The following ELAPOR1 variants were observed in gnomAD, a reference collection of about 807,000 sequenced individuals.
The protein encoded by ELAPOR1 is endosome/lysosome-associated apoptosis and autophagy regulator 1.
In ELAPOR1, 77 loss-of-function variants were observed where a neutral mutation model predicts 119.7. The observed-to-expected ratio is 0.64, with a 90% CI of 0.54 to 0.78. The LOEUF (loss-of-function observed/expected upper bound fraction) is 0.78. ELAPOR1 is among the 30% of genes least tolerant of loss of function. The pLI is 0.00. For missense variants in ELAPOR1, 1,115 were observed against 1,270.4 expected, an observed-to-expected ratio of 0.88 and a Z score of 1.86; for synonymous variants, 481 against 487.2, an observed-to-expected ratio of 0.99 and a Z score of 0.17.
chr1:109,197,335 C>A, intron 15 of ELAPOR1, 139 bp from the exon 16 acceptor site: 1 of 725,426 alleles, frequency 1.4e-6, no homozygotes, highest in Non-Finnish European at 2.3e-6. Flanking sequence ...GTCATTAGAC[C>A]TGGGATGAAT....
intron 1 of ELAPOR1, among the ~76,000 whole-genome samples, chr1:109,155,940 C>G (rs919757398): frequency 6.6e-6 from 1 of 152,102 alleles, no homozygotes; most frequent in Non-Finnish European, 1.5e-5. Flanking sequence ...TCCAGGAGTT[C>G]AAGACCAGTC....
rs150398954 is a variant in ELAPOR1, at chr1:109,138,834, C to CAAAAAAAAAAAAAAAA, written c.154-23058_154-23043dup. On this transcript the variant is annotated intron_variant, in intron 1 of 21. Transcript: ENST00000369939. The stretch of plus-strand genomic sequence containing the variant: ...GGGCAACAAGAGTGAAACTCCATCT[C>CAAAAAAAAAAAAAAAA]AAAAAAAAAAAAAAAAAGAATCTTC... Among the ~76,000 whole-genome samples, 81 of 107,296 alleles carry CAAAAAAAAAAAAAAAA rather than the reference C, an allele frequency of 7.5e-4. 3 individuals carry two copies. The highest frequency in any genetic ancestry group is 9.1e-4 in the Non-Finnish European group (50 of 55,040). The allele number at this position is 107,296 out of a possible 152,430, so 70.4% of individuals were successfully genotyped here.
At chr1:109,195,962 C>T (rs1354360041) in intron 15 of ELAPOR1, among the ~76,000 whole-genome samples, 3 of 152,176 alleles carry the variant, frequency 2.0e-5, no homozygotes, top group Non-Finnish European at 4.4e-5. Context: ...TCGAGACCAG[C>T]CTGGTCAACA....
intron 7 of ELAPOR1, among the ~76,000 whole-genome samples, chr1:109,182,565 C>A (rs1652760239): frequency 6.6e-6 from 1 of 151,884 alleles, no homozygotes; most frequent in Admixed American, 6.6e-5. Context: ...CCATATCCGT[C>A]TAGCTTAAAA....
chr1:109,147,828 A>G (rs1031352979), intron 1 of ELAPOR1, among the ~76,000 whole-genome samples: 2 of 150,118 alleles, frequency 1.3e-5, no homozygotes, highest in Admixed American at 1.3e-4. Context: ...TATTATTATT[A>G]TTTGTTTTTT....
chr1:109,141,437 AT>A (rs1047002687), intron 1 of ELAPOR1, among the ~76,000 whole-genome samples: 1 of 145,976 alleles, frequency 6.9e-6, no homozygotes, highest in African/African-American at 2.5e-5. Context: ...AATTTTTTGT[AT>A]TTTTAGTAGA....
chr1:109,183,732 C>T (rs1652885238), intron 7 of ELAPOR1, among the ~76,000 whole-genome samples: 2 of 151,986 alleles, frequency 1.3e-5, no homozygotes, highest in South Asian at 4.2e-4. Context: ...GATTCTCCTG[C>T]CTCAACATCA....
intron 7 of ELAPOR1, among the ~76,000 whole-genome samples, chr1:109,180,920 G>A (rs1488094117): frequency 3.3e-5 from 5 of 151,720 alleles, no homozygotes; most frequent in African/African-American, 7.3e-5. Flanking sequence ...AGCTGATTGT[G>A]CCACTGAACT....
In ELAPOR1 at chr1:109,200,159, A is replaced by T. The variant is rs550518607; in HGVS notation, c.2729A>T (p.Lys910Ile). 6.2e-7 allele frequency: 1 copy of T among 1,614,212 alleles called. No homozygotes were observed. The highest frequency in any genetic ancestry group is 1.3e-5 in the African/African-American group (1 of 75,048). ...TGCAAAACCATAGATTTCTGGCTGA[A>T]AGTGGGCATCTCTGCAGGCACCTGT... is the stretch of plus-strand genomic sequence containing the variant. ...TICKTIDFWL[K>I]VGISAGTCTA... Residue 910 changes from lysine (K) to isoleucine (I), a missense_variant, in exon 20 of 22, where the codon AAA becomes ATA. Lys to Ile is a moderately radical substitution (Grantham distance 102). Transcript: ENST00000369939.
At chr1:109,174,348 A>C (rs1397978633) in intron 7 of ELAPOR1, among the ~76,000 whole-genome samples, 1 of 132,318 alleles carries the variant, frequency 7.6e-6, no homozygotes, top group African/African-American at 2.8e-5. Context: ...AGGAGGTTGA[A>C]GCTTCAGTGA....
At chr1:109,197,051 C>T (rs971144161) in intron 15 of ELAPOR1, among the ~76,000 whole-genome samples, 1 of 150,156 alleles carries the variant, frequency 6.7e-6, no homozygotes. Context: ...CCTGTAATCC[C>T]AACACTCTGG....
intron 2 of ELAPOR1, among the ~76,000 whole-genome samples, chr1:109,163,817 G>A (rs1651412299): frequency 6.6e-6 from 1 of 152,174 alleles, no homozygotes; most frequent in Non-Finnish European, 1.5e-5. Flanking sequence ...ACCTAGCATG[G>A]TGGCAGTACA....
At chr1:109,155,660 G>C (rs957199749) in intron 1 of ELAPOR1, among the ~76,000 whole-genome samples, 1 of 152,112 alleles carries the variant, frequency 6.6e-6, no homozygotes, top group East Asian at 1.9e-4. Flanking sequence ...ACAAAAATTA[G>C]CACTTAATAT....
chr1:109,152,349 C>A (rs1333222200), intron 1 of ELAPOR1, among the ~76,000 whole-genome samples: 1 of 152,160 alleles, frequency 6.6e-6, no homozygotes, highest in East Asian at 1.9e-4. Context: ...ACTTAAGAAC[C>A]TGTTTCTTGA....
chr1:109,157,305 T>C (rs1383293736), intron 1 of ELAPOR1, among the ~76,000 whole-genome samples: 1 of 152,210 alleles, frequency 6.6e-6, no homozygotes. Flanking sequence ...TGACTTTGCC[T>C]CTCAATGACT....
intron 1 of ELAPOR1, among the ~76,000 whole-genome samples, chr1:109,148,009 T>C (rs1187270708): frequency 6.7e-6 from 1 of 149,608 alleles, no homozygotes; most frequent in African/African-American, 2.5e-5. Context: ...TTTTTTTTTT[T>C]TGTATTTTTA....
At chr1:109,119,701 C>T (rs540510646) in intron 1 of ELAPOR1, among the ~76,000 whole-genome samples, 5 of 152,132 alleles carry the variant, frequency 3.3e-5, no homozygotes, top group Middle Eastern at 3.4e-3. Flanking sequence ...GAATATTCCA[C>T]GATTTAAAAA....
chr1:109,193,945 CGGA>C (rs1466579151), intron 14 of ELAPOR1, among the ~76,000 whole-genome samples: 3 of 152,184 alleles, frequency 2.0e-5, no homozygotes, highest in Non-Finnish European at 4.4e-5. Flanking sequence ...AAGCCCCTTT[CGGA>C]GTTCAGTTTC....
chr1:109,171,596 G>A (rs555712659), intron 3 of ELAPOR1, among the ~76,000 whole-genome samples: 23 of 152,002 alleles, frequency 1.5e-4, no homozygotes, highest in Admixed American at 1.1e-3. Flanking sequence ...CCTGCCACCC[G>A]TATCCCAGGT....
Sources: allele counts gnomAD v4.1 joint callset (sites outside exome capture counted in the v4.1 genomes callset), GRCh38; gene constraint gnomAD v4.1.1; transcripts MANE v1.5; gene names NCBI Gene and HGNC (gene_info 2026-07-23, HGNC 2026-07-21).